The following TRPM3 variants were observed in gnomAD, a reference collection of about 807,000 sequenced individuals.
TRPM3 encodes the protein long transient receptor potential channel 3.
Under a neutral mutation model 181.2 loss-of-function variants are expected in TRPM3, and 77 were observed. The observed-to-expected ratio is 0.42, with a 90% CI of 0.35 to 0.51. The LOEUF (loss-of-function observed/expected upper bound fraction) is 0.51, where lower values mean the gene tolerates loss of function less well. Ranked by LOEUF, TRPM3 falls within the 20% of genes least tolerant of loss-of-function variation. The probability of loss-of-function intolerance (pLI) is 0.01; values close to 1 mark genes in which losing one functional copy is unlikely to be tolerated. For synonymous variants in TRPM3, 745 were observed against 796.4 expected (o/e 0.94, Z 1.09); for missense variants, 1,759 against 2,196.7 (o/e 0.80, Z 3.98).
intron 1 of TRPM3, among the ~76,000 whole-genome samples, chr9:70,867,799 A>T (rs528213675): frequency 6.6e-6 from 1 of 152,100 alleles, no homozygotes; most frequent in Non-Finnish European, 1.5e-5. Context: ...TTTAGTGTGA[A>T]CATCATATAT....
intron 7 of TRPM3, chr9:70,776,056 G>A (rs182917853): frequency 1.4e-3 from 245 of 171,138 alleles, no homozygotes; most frequent in Middle Eastern, 9.8e-3. Flanking sequence ...TCCTCAACTC[G>A]TTCCTCCTGT....
At chr9:70,886,663 T>TC (rs1402261225) in intron 1 of TRPM3, among the ~76,000 whole-genome samples, 1 of 151,952 alleles carries the variant, frequency 6.6e-6, no homozygotes, top group East Asian at 1.9e-4. Flanking sequence ...CACTTTTTTT[T>TC]CTTTTTTTCT....
chr9:70,996,823 T>C (rs1015669902), intron 1 of TRPM3, among the ~76,000 whole-genome samples: 2 of 152,230 alleles, frequency 1.3e-5, no homozygotes, highest in Non-Finnish European at 1.5e-5. Context: ...TGGATTAAAA[T>C]TTCTTCAGAT....
intron 1 of TRPM3, among the ~76,000 whole-genome samples, chr9:71,095,959 G>A (rs1363790303): frequency 6.6e-6 from 1 of 152,036 alleles, no homozygotes; most frequent in Non-Finnish European, 1.5e-5. Flanking sequence ...CTTCATCTAT[G>A]ATCACATAGG....
rs2131559298 is a variant in TRPM3 at position 70,534,585 on chromosome 9, T to C, written c.*1368A>G. ...GAACTCTTTATATGGTTTATTTGCT[T>C]TCTATTTTGGTCTACTGTATCTTTT... On this transcript the variant is annotated 3_prime_UTR_variant, in exon 26 of 26. Coordinates refer to ENST00000677713, the MANE Select transcript of TRPM3 (RefSeq NM_001366145.2). 3 of 152,350 alleles carry C rather than the reference T, an allele frequency of 2.0e-5. No homozygotes were observed. In the South Asian group the frequency reaches 6.2e-4, roughly 32 times the overall value. The allele number at this position is 152,350 out of a possible 1,614,324, so 9.4% of individuals were successfully genotyped here.
intron 1 of TRPM3, among the ~76,000 whole-genome samples, chr9:71,158,917 T>TTC (rs2076136331): frequency 6.6e-6 from 1 of 152,012 alleles, no homozygotes; most frequent in South Asian, 2.1e-4. Flanking sequence ...AACACTGACC[T>TTC]TCTCCTACCC....
intron 9 of TRPM3, among the ~76,000 whole-genome samples, chr9:70,658,512 G>A (rs986031665): frequency 1.3e-5 from 2 of 152,062 alleles, no homozygotes; most frequent in African/African-American, 4.8e-5. Context: ...TTATTGGTAT[G>A]TGTTTCAAAA....
intron 1 of TRPM3, among the ~76,000 whole-genome samples, chr9:71,297,919 G>C (rs2086427520): frequency 6.6e-6 from 1 of 152,164 alleles, no homozygotes; most frequent in Non-Finnish European, 1.5e-5. Flanking sequence ...AATAAAAGGT[G>C]AACGGCTCAT....
chr9:71,047,687 G>T (rs2059595980), intron 1 of TRPM3, among the ~76,000 whole-genome samples: 1 of 152,084 alleles, frequency 6.6e-6, no homozygotes, highest in Non-Finnish European at 1.5e-5. Context: ...TCATTCCTTT[G>T]TCATCAGCAA....
intron 1 of TRPM3, among the ~76,000 whole-genome samples, chr9:71,097,442 T>G (rs2133998867): frequency 6.6e-6 from 1 of 152,266 alleles, no homozygotes; most frequent in African/African-American, 2.4e-5. Context: ...TATGTGCATT[T>G]AACATATTTA....
chr9:70,601,892 G>A (rs974928183), intron 20 of TRPM3, among the ~76,000 whole-genome samples: 4 of 152,176 alleles, frequency 2.6e-5, no homozygotes, highest in Non-Finnish European at 4.4e-5. Flanking sequence ...GCGTCTAGGC[G>A]TTAAATCGCT....
At position 70,630,977 on chromosome 9, in the gene TRPM3, C is replaced by T. The variant is rs567101740; in HGVS notation, c.1632+4234G>A. Among the ~76,000 whole-genome samples the T allele has an allele frequency of 2.0e-5, 3 of 152,332 alleles. No individual in the cohort carries two copies. The South Asian group carries it at 6.2e-4, about 32-fold the overall frequency. On this transcript the variant is annotated intron_variant, in intron 12 of 25. Transcript: ENST00000677713. The stretch of plus-strand genomic sequence containing the variant: ...TCAGCTCACCATATCACTATCAGAT[C>T]TCAACTGTTTAGGAAAACTGTCTTC...
intron 1 of TRPM3, among the ~76,000 whole-genome samples, chr9:71,133,963 CTGTGTGTGTTTGTG>C (rs1410206925): frequency 1.5e-5 from 2 of 131,802 alleles, no homozygotes; most frequent in South Asian, 2.6e-4. Flanking sequence ...ACTATCTAAA[CTGTGTGTGTTTGTG>C]TGTGTGTGTG....
intron 1 of TRPM3, among the ~76,000 whole-genome samples, chr9:71,331,557 C>T (rs978071329): frequency 6.6e-6 from 1 of 151,184 alleles, no homozygotes; most frequent in Non-Finnish European, 1.5e-5. Context: ...CCAATATTTA[C>T]TATTTACTAA....
At chr9:70,550,541 C>T (rs1267682223) in intron 24 of TRPM3, among the ~76,000 whole-genome samples, 2 of 152,196 alleles carry the variant, frequency 1.3e-5, no homozygotes, top group African/African-American at 4.8e-5. Context: ...GGATTCATAA[C>T]TGATATAGCA....
At chr9:71,215,609 A>G (rs1409810497) in intron 1 of TRPM3, among the ~76,000 whole-genome samples, 1 of 152,216 alleles carries the variant, frequency 6.6e-6, no homozygotes, top group Non-Finnish European at 1.5e-5. Flanking sequence ...TAATGAACAC[A>G]CTAAATTTTT....
At chr9:71,390,946 T>A (rs1277383439) in intron 1 of TRPM3, among the ~76,000 whole-genome samples, 1 of 151,820 alleles carries the variant, frequency 6.6e-6, no homozygotes, top group Non-Finnish European at 1.5e-5. Context: ...AGACTTGAAG[T>A]TGTCTGGGAC....
chr9:70,783,026 G>A (rs554019831), intron 7 of TRPM3, among the ~76,000 whole-genome samples: 1 of 152,262 alleles, frequency 6.6e-6, no homozygotes, highest in African/African-American at 2.4e-5. Context: ...CTGGGTACAA[G>A]AGGGATGGGT....
intron 1 of TRPM3, among the ~76,000 whole-genome samples, chr9:70,949,401 C>T (rs77741077): frequency 0.019 from 2,915 of 151,962 alleles, 49 homozygotes; most frequent in East Asian, 0.052. Flanking sequence ...TTGGACAGCA[C>T]GGAGGGCAGC....
Sources: gnomAD v4.1 joint callset for allele counts (sites outside exome capture counted in the v4.1 genomes callset) on GRCh38, gnomAD v4.1.1 for gene constraint, MANE v1.5 for transcripts, NCBI Gene and HGNC (gene_info 2026-07-23, HGNC 2026-07-21) for gene names.